Variants in IRS1 observed in about 807,000 individuals in gnomAD.
The protein encoded by IRS1 is insulin receptor substrate 1.
Under a neutral mutation model 65.6 loss-of-function variants are expected in IRS1, and 34 were observed. The ratio of observed to expected loss-of-function variants is 0.52; its 90% CI spans 0.39 to 0.69. IRS1 has a LOEUF of 0.69. Ranked by LOEUF, IRS1 falls within the 30% of genes least tolerant of loss-of-function variation. IRS1 has a pLI of 0.00. For missense variants in IRS1, 1,641 were observed against 1,720.2 expected (o/e 0.95, Z 0.81); for synonymous variants, 699 against 683.5 (o/e 1.02, Z -0.35).
chr2:226,779,682 T>A (rs1370762407), intron 1 of IRS1, among the ~76,000 whole-genome samples: 1 of 152,236 alleles, frequency 6.6e-6, no homozygotes, highest in Non-Finnish European at 1.5e-5. Flanking sequence ...CTGCTGTAAG[T>A]ACTATAAAAG....
At chr2:226,766,144 TATATATATATATATA>T (rs1939035130) in intron 1 of IRS1, among the ~76,000 whole-genome samples, 1 of 4,848 alleles carries the variant, frequency 2.1e-4, no homozygotes, top group South Asian at 5.6e-3. Flanking sequence ...TATATATATA[TATATATATATATATA>T]TATATTTTTT....
intron 1 of IRS1, among the ~76,000 whole-genome samples, chr2:226,740,871 G>A (rs946183819): frequency 6.6e-6 from 1 of 151,916 alleles, no homozygotes; most frequent in South Asian, 2.1e-4. Flanking sequence ...TTTCAATAGA[G>A]GTCATTGTTT....
intron 1 of IRS1, among the ~76,000 whole-genome samples, chr2:226,775,549 T>C (rs950981903): frequency 1.3e-5 from 2 of 152,236 alleles, no homozygotes; most frequent in African/African-American, 4.8e-5. Context: ...TTTATAGATA[T>C]GTGTATACGT....
intron 1 of IRS1, among the ~76,000 whole-genome samples, chr2:226,790,551 C>G (rs2106181573): frequency 6.6e-6 from 1 of 152,360 alleles, no homozygotes; most frequent in Middle Eastern, 3.4e-3. Flanking sequence ...GAGAAACTCT[C>G]TCCCACTGCT....
intron 1 of IRS1, among the ~76,000 whole-genome samples, chr2:226,744,282 G>A (rs1205065125): frequency 1.3e-5 from 2 of 152,154 alleles, no homozygotes; most frequent in South Asian, 2.1e-4. Context: ...GAAGAACTTG[G>A]TCATGTAAGA....
rs775577355 is a variant in IRS1 at position 226,795,106 on chromosome 2, C to G, written c.3633G>C (p.Leu1211=). 1.2e-5 allele frequency: 12 copies of G among 982,006 alleles called. No homozygotes were observed. In the East Asian group the frequency reaches 4.9e-4, roughly 40 times the overall value. The allele number at this position is 982,006 out of a possible 1,614,324, so 60.8% of individuals were successfully genotyped here. Residue 1211 remains leucine (L), a synonymous_variant, in exon 1 of 2, where the codon CTG becomes CTC. Coordinates refer to ENST00000305123, the MANE Select transcript of IRS1 (RefSeq NM_005544.3). ...GGGTGGAGCTGCTCTCACCGCTGCC[C>G]AGGGGTTGATGAGGGGGTGGGGGTG... ...PPPPPPPHQP[L]GSGESSSTRR...
At chr2:226,736,361 G>T (rs1298461784) in intron 1 of IRS1, 111 bp from the exon 2 acceptor site, 1 of 152,046 alleles carries the variant, frequency 6.6e-6, no homozygotes, top group Non-Finnish European at 1.5e-5. Flanking sequence ...GAAGTTACAG[G>T]CACAAATAGT....
chr2:226,792,781 C>A (rs535927253), intron 1 of IRS1, among the ~76,000 whole-genome samples: 15 of 152,142 alleles, frequency 9.9e-5, no homozygotes, highest in African/African-American at 3.6e-4. Flanking sequence ...ACATTCGGAG[C>A]AGAAGCTGTT....
rs1274723197 is a variant in IRS1, at chr2:226,732,622, C to T, written c.*3650G>A. ...TCTATATATACACACACACATCCCACACACACGTCACATATATATACACAC... is the reference window on the plus strand; with the variant it reads ...TCTATATATACACACACACATCCCATACACACGTCACATATATATACACAC... On this transcript the variant is annotated 3_prime_UTR_variant, in exon 2 of 2. Transcript: ENST00000305123. The T allele has an allele frequency of 2.0e-5, 3 of 150,624 alleles. No homozygotes were observed. The highest frequency in any genetic ancestry group is 7.3e-5 in the African/African-American group (3 of 40,872). 9.3% of individuals were successfully genotyped at this position (150,624 alleles called of 1,614,324 possible).
Position 226,798,256 on chromosome 2 carries a change from T to C in IRS1, c.483A>G (p.Lys161=). ...YGDVPPGPAF[K]EVWQVILKPK... is the part of the protein sequence containing the mutation. ...GCTTCAGGATCACTTGCCAGACCTC[T>C]TTGAATGCGGGTCCTGGGGGCACGT... The change falls in exon 1 of 2, where the codon AAA becomes AAG. Residue 161 remains lysine, a synonymous_variant. Transcript: ENST00000305123. This position sits in a 1 kb window ranked among gnomAD's most constrained non-coding sequence, Gnocchi z 9.4. The C allele has an allele frequency of 1.2e-6, 2 of 1,613,440 alleles. No homozygotes were observed. Among genetic ancestry groups the C allele is most frequent in the Non-Finnish European group, 1.7e-6 (2 of 1,179,914 alleles).
Position 226,798,537 on chromosome 2 carries a change from T to A in IRS1, c.202A>T (p.Ser68Cys), listed in dbSNP as rs752608556. ...SAPKRSIPLE[S>C]CFNINKRADS... ...GCCCGCTTGTTGATGTTGAAGCAGC[T>A]CTCAAGGGGGATCGAGCGTTTGGGG... The change falls in exon 1 of 2, where the codon AGC (serine) becomes TGC (cysteine). Residue 68 changes from serine (S) to cysteine (C), a missense_variant. Transcript: ENST00000305123. The surrounding 1 kb of genome is among the most constrained non-coding windows in gnomAD (Gnocchi z 9.4). 2 of 1,613,920 alleles carry A rather than the reference T, an allele frequency of 1.2e-6. No homozygotes were observed. Among genetic ancestry groups the A allele is most frequent in the Non-Finnish European group, 1.7e-6 (2 of 1,180,020 alleles).
rs1165328849 is a variant in IRS1 at position 226,798,287 on chromosome 2, T to C, written c.452A>G (p.Tyr151Cys). 1 of 1,613,068 alleles carries C rather than the reference T, an allele frequency of 6.2e-7. No individual in the cohort carries two copies. Residue 151 changes from tyrosine (Y) to cysteine (C), a missense_variant, in exon 1 of 2, where the codon TAC becomes TGC. By Grantham distance (194) the Tyr-to-Cys change is radical. This residue lies in a region of IRS1 where 240 missense variants were observed against 229.6 expected (regional missense o/e 1.05). Coordinates refer to ENST00000305123, the MANE Select transcript of IRS1 (RefSeq NM_005544.3). This position sits in a 1 kb window ranked among gnomAD's most constrained non-coding sequence, Gnocchi z 9.4. ...GLGEAGEDLS[Y>C]GDVPPGPAFK... ...TGCGGGTCCTGGGGGCACGTCACCG[T>C]AGCTCAAGTCCTCCCCAGCCTCACC...
chr2:226,796,071 G>T lies in IRS1; in HGVS notation c.2668C>A (p.Pro890Thr). 6.2e-7 allele frequency: 1 copy of T among 1,613,964 alleles called. No homozygotes were observed. The highest frequency in any genetic ancestry group is 8.5e-7 in the Non-Finnish European group (1 of 1,180,032). ...TTGACATATTCCCCCGGGCTCTTGG[G>T]CTCTGGAGGGTGCAGCAAGGGCTGC... ...QQQPLLHPPE[P>T]KSPGEYVNIE... Residue 890 changes from proline (P) to threonine (T), a missense_variant, in exon 1 of 2, where the codon CCC becomes ACC. By Grantham distance (38) the Pro-to-Thr change is conservative (BLOSUM62 -1). Coordinates refer to ENST00000305123, the MANE Select transcript of IRS1 (RefSeq NM_005544.3).
At chr2:226,761,714 C>T (rs1938916665) in intron 1 of IRS1, among the ~76,000 whole-genome samples, 1 of 152,070 alleles carries the variant, frequency 6.6e-6, no homozygotes, top group Admixed American at 6.6e-5. Context: ...TTATAGGTAC[C>T]TCAATAAACC....
rs1339952916 is a variant in IRS1 at position 226,794,394 on chromosome 2, A to G, written c.*21+595T>C. Among the ~76,000 whole-genome samples, 4 of 152,250 alleles carry G rather than the reference A, an allele frequency of 2.6e-5. No homozygotes were observed. Among genetic ancestry groups the G allele is most frequent in the Admixed American group, 2.6e-4 (4 of 15,278 alleles). On this transcript the variant is annotated intron_variant, in intron 1 of 1. Coordinates refer to ENST00000305123, the MANE Select transcript of IRS1 (RefSeq NM_005544.3). This position sits in a 1 kb window ranked among gnomAD's most constrained non-coding sequence, Gnocchi z 4.1. ...ACAAAATAGATAGGTACTTCTCTCT[A>G]AATACATATTTCTAAAAAGCTCTTA...
rs1165298542 is a variant in IRS1 at position 226,735,571 on chromosome 2, TA to T, written c.*700del. 1 of 152,622 alleles carries T rather than the reference TA, an allele frequency of 6.6e-6. No individual in the cohort carries two copies. Among genetic ancestry groups the T allele is most frequent in the Admixed American group, 6.5e-5 (1 of 15,274 alleles). 9.5% of individuals were successfully genotyped at this position (152,622 alleles called of 1,614,324 possible). A position where few individuals can be genotyped will look rare whatever the true frequency, so the allele number is the denominator to read the frequency against. On this transcript the variant is annotated 3_prime_UTR_variant, in exon 2 of 2. Coordinates refer to ENST00000305123, the MANE Select transcript of IRS1 (RefSeq NM_005544.3). ...TGACAAGAGATAGTATCAGCAAATATAACTATACAATTGAGAACCATCTATG... is the reference window on the plus strand; with the variant it reads ...TGACAAGAGATAGTATCAGCAAATATACTATACAATTGAGAACCATCTATG...
chr2:226,761,361 C>T (rs147855418), intron 1 of IRS1, among the ~76,000 whole-genome samples: 120 of 152,256 alleles, frequency 7.9e-4, no homozygotes, highest in African/African-American at 2.7e-3. Context: ...GCACTATTTA[C>T]ACCATTCTGG....
rs1277545067 is a variant in IRS1, at chr2:226,798,408, G to A, written c.331C>T (p.Leu111=). 1 of 1,614,070 alleles carries A rather than the reference G, an allele frequency of 6.2e-7. No individual in the cohort carries two copies. Among genetic ancestry groups the A allele is most frequent in the Non-Finnish European group, 8.5e-7 (1 of 1,180,008 alleles). The change falls in exon 1 of 2, where the codon CTA becomes TTA. Residue 111 remains leucine, a synonymous_variant. Coordinates refer to ENST00000305123, the MANE Select transcript of IRS1 (RefSeq NM_005544.3). This position sits in a 1 kb window ranked among gnomAD's most constrained non-coding sequence, Gnocchi z 9.4. ...CCCTTAGCACGGTTGTGCAGCTGTA[G>A]GAGAGCCTGGTACCAGCTGTCTTGC... ...AEQDSWYQAL[L]QLHNRAKGHH...
At chr2:226,760,158 A>G (rs1938887200) in intron 1 of IRS1, among the ~76,000 whole-genome samples, 1 of 152,220 alleles carries the variant, frequency 6.6e-6, no homozygotes, top group African/African-American at 2.4e-5. Context: ...CTGGGTATCA[A>G]AGTGAGACCC....
Sources: allele counts gnomAD v4.1 joint callset (sites outside exome capture counted in the v4.1 genomes callset), GRCh38; gene constraint gnomAD v4.1.1; regional missense constraint gnomAD v4.1.1; non-coding constraint Gnocchi (gnomAD v3.1); transcripts MANE v1.5; gene names NCBI Gene and HGNC (gene_info 2026-07-23, HGNC 2026-07-21).